The following PIEZO2 variants were observed in gnomAD, a reference collection of about 807,000 sequenced individuals.
The protein encoded by PIEZO2 is piezo type mechanosensitive ion channel component 2.
Under a neutral mutation model 337.3 loss-of-function variants are expected in PIEZO2, and 172 were observed. The observed-to-expected ratio is 0.51, with a 90% confidence interval of 0.45 to 0.58. PIEZO2 has a LOEUF of 0.58. PIEZO2 is among the 20% of genes least tolerant of loss of function. The pLI, the probability that PIEZO2 is intolerant of heterozygous loss-of-function variation, is 0.00. For synonymous variants in PIEZO2, 1,251 were observed against 1,228.5 expected (o/e 1.02, Z -0.38); for missense variants, 3,028 against 3,391.3 (o/e 0.89, Z 2.66).
chr18:10,881,528 C>T (rs1016037609), intron 4 of PIEZO2, among the ~76,000 whole-genome samples: 1 of 152,176 alleles, frequency 6.6e-6, no homozygotes, highest in Non-Finnish European at 1.5e-5. Context: ...CAGGAGTTTG[C>T]TGAAACTGCC....
intron 3 of PIEZO2, among the ~76,000 whole-genome samples, chr18:10,956,993 A>T (rs1466099998): frequency 1.3e-5 from 2 of 151,888 alleles, no homozygotes; most frequent in Admixed American, 1.3e-4. Context: ...AAAAGAAATC[A>T]TCCAGTGGAA....
intron 36 of PIEZO2, among the ~76,000 whole-genome samples, chr18:10,729,120 T>C (rs1278958602): frequency 6.6e-6 from 1 of 152,176 alleles, no homozygotes; most frequent in East Asian, 1.9e-4. Flanking sequence ...CGTGTACCTC[T>C]TTACTGTTTG....
At chr18:10,701,845 T>TA (rs56768357) in intron 43 of PIEZO2, 144 bp downstream of exon 43, 79 of 316,394 alleles carry the variant, frequency 2.5e-4, no homozygotes, top group Admixed American at 4.1e-4. Flanking sequence ...TTTTTTTTTT[T>TA]AAAAAAAACA....
Position 11,002,193 on chromosome 18 carries a change from C to T in PIEZO2, c.161-22533G>A, listed in dbSNP as rs974368109. On this transcript the variant is annotated intron_variant, in intron 2 of 55. Transcript: ENST00000674853. The surrounding 1 kb of genome is among the most constrained non-coding windows in gnomAD (Gnocchi z 4.3). Reference sequence around the variant, plus strand: ...TTGAATTTCAGATAACTTTCATGCGCCACAAATAATTAATATTTTTCTCTT... The same window carrying T: ...TTGAATTTCAGATAACTTTCATGCGTCACAAATAATTAATATTTTTCTCTT... Among the ~76,000 whole-genome samples the T allele has an allele frequency of 6.6e-6, 1 of 152,134 alleles. No individual in the cohort carries two copies. The highest frequency in any genetic ancestry group is 2.4e-5 in the African/African-American group (1 of 41,438).
intron 2 of PIEZO2, among the ~76,000 whole-genome samples, chr18:11,023,986 C>G (rs916896588): frequency 6.6e-6 from 1 of 152,186 alleles, no homozygotes; most frequent in Admixed American, 6.5e-5. Context: ...CCAGCTGGCC[C>G]GCAAGCCCCA....
At chr18:10,758,225 C>T (rs1207680119) in intron 26 of PIEZO2, 91 bp from the exon 27 acceptor site, 81 of 1,354,800 alleles carry the variant, frequency 6.0e-5, no homozygotes, top group Non-Finnish European at 6.2e-5. Flanking sequence ...AACAGCCATT[C>T]CCCAGCTCCT....
intron 51 of PIEZO2, 91 bp from the exon 52 acceptor site, chr18:10,680,462 G>T: frequency 1.7e-6 from 2 of 1,200,926 alleles, no homozygotes; most frequent in South Asian, 1.5e-5. Context: ...CTGGCAGTAT[G>T]GAAAAGGTTT....
intron 36 of PIEZO2, among the ~76,000 whole-genome samples, chr18:10,723,092 C>G (rs2036390963): frequency 6.6e-6 from 1 of 151,518 alleles, no homozygotes; most frequent in Non-Finnish European, 1.5e-5. Flanking sequence ...CTCAGCCTCC[C>G]AAGTAGCTGG....
chr18:11,119,431 C>T (rs1443236706), intron 1 of PIEZO2, among the ~76,000 whole-genome samples: 1 of 152,182 alleles, frequency 6.6e-6, no homozygotes, highest in Non-Finnish European at 1.5e-5. Context: ...AGCCACCGCG[C>T]CCGGCCAAAT....
chr18:11,146,751 C>G lies in PIEZO2; in HGVS notation c.64+1774G>C, dbSNP rs1305209818. ...ACTGGTGCCAAGTCACAGAGTGGAC[C>G]GAGCTGGCTGCAGGGAACCACATGC... On this transcript the variant is annotated intron_variant, in intron 1 of 55. Coordinates refer to ENST00000674853, the MANE Select transcript of PIEZO2 (RefSeq NM_001378183.1). This position sits in a 1 kb window ranked among gnomAD's most constrained non-coding sequence, Gnocchi z 6.1. 2.6e-5 allele frequency among the ~76,000 whole-genome samples: 4 copies of G among 152,154 alleles called. No homozygotes were observed. The highest frequency in any genetic ancestry group is 9.7e-5 in the African/African-American group (4 of 41,442).
chr18:11,000,312 G>A (rs377144656), intron 2 of PIEZO2, among the ~76,000 whole-genome samples: 1 of 152,046 alleles, frequency 6.6e-6, no homozygotes, highest in Non-Finnish European at 1.5e-5. Context: ...TTTTGTATTG[G>A]CATATTACGG....
rs1246609628 is a variant in PIEZO2, at chr18:10,862,549, G to A, written c.493-5338C>T. Among the ~76,000 whole-genome samples, 1 of 152,158 alleles carries A rather than the reference G, an allele frequency of 6.6e-6. No homozygotes were observed. The highest frequency in any genetic ancestry group is 1.5e-5 in the Non-Finnish European group (1 of 68,034). On this transcript the variant is annotated intron_variant, in intron 5 of 55. Transcript: ENST00000674853. The surrounding 1 kb of genome is among the most constrained non-coding windows in gnomAD (Gnocchi z 4.4). ...TTTCCACTCAATTTTGGACAAAGAA[G>A]ACACAATAAATCACTTTTGGTAGGA...
chr18:10,734,748 G>A (rs916892901), intron 35 of PIEZO2, among the ~76,000 whole-genome samples: 1 of 152,204 alleles, frequency 6.6e-6, no homozygotes, highest in African/African-American at 2.4e-5. Context: ...ATCAGCCCAG[G>A]AAGAAGCTGG....
chr18:10,933,525 G>A (rs7242838), intron 3 of PIEZO2, among the ~76,000 whole-genome samples: 62,962 of 151,986 alleles, frequency 0.41, 13,758 homozygotes, highest in South Asian at 0.62. Flanking sequence ...GCTACCGTGG[G>A]AATACACTAT....
In PIEZO2 at chr18:11,131,568, G is replaced by A. The variant is rs2040340779; in HGVS notation, c.64+16957C>T. ...GCGGTGAAGGGAAATCTTCCCAGTG[G>A]GCAGAACTTCGAGCCATGCACCTGG... is the stretch of plus-strand genomic sequence containing the variant. On this transcript the variant is annotated intron_variant, in intron 1 of 55. Coordinates refer to ENST00000674853, the MANE Select transcript of PIEZO2 (RefSeq NM_001378183.1). The surrounding 1 kb of genome is among the most constrained non-coding windows in gnomAD (Gnocchi z 5.3). Among the ~76,000 whole-genome samples the A allele has an allele frequency of 6.6e-6, 1 of 152,218 alleles. No homozygotes were observed. The highest frequency in any genetic ancestry group is 6.5e-5 in the Admixed American group (1 of 15,278).
rs890298449 is a variant in PIEZO2, at chr18:10,752,820, G to T, written c.3983C>A (p.Thr1328Asn). The T allele has an allele frequency of 1.3e-6, 2 of 1,537,174 alleles. No individual in the cohort carries two copies. The highest frequency in any genetic ancestry group is 2.7e-5 in the African/African-American group (2 of 73,156). The change falls in exon 28 of 56, where the codon ACC becomes AAC. Residue 1328 changes from threonine to asparagine, a missense_variant. This residue lies in a region of PIEZO2 where 1,925 missense variants were observed against 2,051.9 expected (regional missense o/e 0.94). Transcript: ENST00000674853. ...IFSYLFWFVL[T>N]IIFITGTTRI... is the part of the protein sequence containing the mutation. The stretch of plus-strand genomic sequence containing the variant: ...GGTGGTCCCAGTGATGAAGATGATG[G>T]TGAGCACAAACCAGAAGAGGTAGCT...
In PIEZO2 at chr18:10,762,561, G is replaced by A; in HGVS notation, c.3188C>T (p.Pro1063Leu). 1 of 1,537,444 alleles carries A rather than the reference G, an allele frequency of 6.5e-7. No homozygotes were observed. The highest frequency in any genetic ancestry group is 2.4e-5 in the East Asian group (1 of 40,926). Residue 1063 changes from proline to leucine, a missense_variant, in exon 23 of 56, where the codon CCT (proline) becomes CTT (leucine). Pro to Leu is a moderately conservative substitution (Grantham distance 98, BLOSUM62 -3). This residue lies in a region of PIEZO2 where 1,925 missense variants were observed against 2,051.9 expected (regional missense o/e 0.94). Coordinates refer to ENST00000674853, the MANE Select transcript of PIEZO2 (RefSeq NM_001378183.1). Reference protein sequence around the residue: ...ELNKSLLYSAPIDPTEWVGLR... With the variant: ...ELNKSLLYSALIDPTEWVGLR... Reference sequence around the variant, plus strand: ...GCCGACCCACTCTGTAGGATCGATAGGAGCGCTGTAGAGCAGAGACTTGTT... The same window carrying A: ...GCCGACCCACTCTGTAGGATCGATAAGAGCGCTGTAGAGCAGAGACTTGTT...
chr18:10,899,005 C>A lies in PIEZO2; in HGVS notation c.329+12181G>T, dbSNP rs2042977525. Among the ~76,000 whole-genome samples, 1 of 152,116 alleles carries A rather than the reference C, an allele frequency of 6.6e-6. No homozygotes were observed. Among genetic ancestry groups the A allele is most frequent in the African/African-American group, 2.4e-5 (1 of 41,412 alleles). ...ACTGACGCCAAGAAAGGCAGGGAGGCAGAGAATACAACATGTATTTAGGCA... is the reference window on the plus strand; with the variant it reads ...ACTGACGCCAAGAAAGGCAGGGAGGAAGAGAATACAACATGTATTTAGGCA... On this transcript the variant is annotated intron_variant, in intron 4 of 55. Transcript: ENST00000674853. The surrounding 1 kb of genome is among the most constrained non-coding windows in gnomAD (Gnocchi z 4.6).
At position 10,834,670 on chromosome 18, in the gene PIEZO2, G is replaced by A. The variant is rs1407919278; in HGVS notation, c.917+20683C>T. On this transcript the variant is annotated intron_variant, in intron 7 of 55. Transcript: ENST00000674853. This position sits in a 1 kb window ranked among gnomAD's most constrained non-coding sequence, Gnocchi z 4.5. The stretch of plus-strand genomic sequence containing the variant: ...GTAGGAAGAAGAAGCCAAAGCCGCA[G>A]GAGGCTAGATCAGAGAGGAAGCCTG... 6.6e-6 allele frequency among the ~76,000 whole-genome samples: 1 copy of A among 152,190 alleles called. No individual in the cohort carries two copies. The highest frequency in any genetic ancestry group is 1.5e-5 in the Non-Finnish European group (1 of 68,036).
Sources: allele counts gnomAD v4.1 joint callset (sites outside exome capture counted in the v4.1 genomes callset), GRCh38; gene constraint gnomAD v4.1.1; regional missense constraint gnomAD v4.1.1; non-coding constraint Gnocchi (gnomAD v3.1); transcripts MANE v1.5; gene names NCBI Gene and HGNC (gene_info 2026-07-23, HGNC 2026-07-21).